The following WDR64 variants were observed in gnomAD, a reference collection of about 807,000 sequenced individuals.
WDR64 encodes WD repeat domain 64, also known as WD repeat-containing protein 64.
WDR64 carries 112 observed loss-of-function variants against 139.3 expected under a neutral mutation model. The ratio of observed to expected loss-of-function variants is 0.80; its 90% CI spans 0.69 to 0.94. The LOEUF (loss-of-function observed/expected upper bound fraction) is 0.94. Ranked by LOEUF, WDR64 falls within the 40% of genes least tolerant of loss-of-function variation. The pLI is 0.00. For missense variants in WDR64, 1,206 were observed against 1,293.1 expected, an observed-to-expected ratio of 0.93 and a Z score of 1.03; for synonymous variants, 444 against 437.7, an observed-to-expected ratio of 1.01 and a Z score of -0.18.
At chr1:241,717,773 T>G (rs1668461069) in intron 9 of WDR64, among the ~76,000 whole-genome samples, 1 of 152,150 alleles carries the variant, frequency 6.6e-6, no homozygotes, top group African/African-American at 2.4e-5. Flanking sequence ...ACCTTATTGC[T>G]ACTACTAGAT....
Position 241,703,918 on chromosome 1 carries a change from G to A in WDR64, c.975-7884G>A, listed in dbSNP as rs112554266. Among the ~76,000 whole-genome samples, 452 of 152,224 alleles carry A rather than the reference G, an allele frequency of 3.0e-3. No homozygotes were observed. Among genetic ancestry groups the A allele is most frequent in the African/African-American group, 9.7e-3 (404 of 41,534 alleles). On this transcript the variant is annotated intron_variant, in intron 8 of 27. Coordinates refer to ENST00000437684, the MANE Select transcript of WDR64 (RefSeq NM_001367482.1). The surrounding 1 kb of genome is among the most constrained non-coding windows in gnomAD (Gnocchi z 5.9). ...CTTATAAAATCATCAGATCTCATGA[G>A]AACTCACTCACTAACACAAGAACAA...
intron 25 of WDR64, among the ~76,000 whole-genome samples, chr1:241,793,820 C>T (rs909980943): frequency 1.3e-5 from 2 of 152,214 alleles, no homozygotes; most frequent in East Asian, 1.9e-4. Context: ...GCTCCACTTT[C>T]GCCAAAGGCT....
At chr1:241,771,935 T>C (rs1306547930) in intron 19 of WDR64, among the ~76,000 whole-genome samples, 574 of 22,346 alleles carry the variant, frequency 0.026, 9 homozygotes, top group African/African-American at 0.076. Context: ...TACATATACA[T>C]ACATACATAC....
intron 7 of WDR64, among the ~76,000 whole-genome samples, chr1:241,685,760 C>T (rs1381313941): frequency 6.6e-6 from 1 of 152,180 alleles, no homozygotes; most frequent in Non-Finnish European, 1.5e-5. Flanking sequence ...CCATCCTTCA[C>T]ATATAAGCAG....
intron 4 of WDR64, chr1:241,676,304 T>C (rs979101664): frequency 6.6e-6 from 1 of 152,226 alleles, no homozygotes; most frequent in African/African-American, 2.4e-5. Flanking sequence ...TAGACCTTCT[T>C]TCTTGCTGTT....
intron 10 of WDR64, among the ~76,000 whole-genome samples, chr1:241,731,247 G>A (rs1233277556): frequency 6.6e-6 from 1 of 152,068 alleles, no homozygotes; most frequent in Non-Finnish European, 1.5e-5. Context: ...AGTGGTGCAT[G>A]CCTGCAGTCC....
Position 241,769,521 on chromosome 1 carries a change from C to T in WDR64, c.2183+16C>T, listed in dbSNP as rs1658337953. 1.9e-6 allele frequency: 3 copies of T among 1,543,630 alleles called. No homozygotes were observed. The highest frequency in any genetic ancestry group is 3.9e-5 in the Admixed American group (2 of 50,964). ...AATGTGCAAGGTAACTCGTTACTTA[C>T]TGAACCAGTAATACTGTCTGGGACT... is the stretch of plus-strand genomic sequence containing the variant. On this transcript the variant is annotated intron_variant, in intron 17 of 27. Coordinates refer to ENST00000437684, the MANE Select transcript of WDR64 (RefSeq NM_001367482.1).
chr1:241,771,786 T>C, intron 19 of WDR64, 89 bp downstream of exon 19: 2 of 723,128 alleles, frequency 2.8e-6, no homozygotes, highest in East Asian at 7.4e-5. Context: ...AATGAATATA[T>C]ATATTCCTTA....
intron 7 of WDR64, 70 bp downstream of exon 7, chr1:241,683,771 CA>C (rs1350927661): frequency 1.7e-6 from 2 of 1,204,112 alleles, no homozygotes; most frequent in African/African-American, 3.1e-5. Context: ...CTTTATGGTA[CA>C]AAGTGAAAAA....
intron 9 of WDR64, among the ~76,000 whole-genome samples, chr1:241,717,206 T>C (rs1422681668): frequency 1.3e-5 from 2 of 152,238 alleles, no homozygotes; most frequent in Non-Finnish European, 2.9e-5. Flanking sequence ...GTGAGTTTCT[T>C]ACTACCTATG....
At chr1:241,669,510 A>C (rs1012033217) in intron 2 of WDR64, among the ~76,000 whole-genome samples, 6 of 152,208 alleles carry the variant, frequency 3.9e-5, no homozygotes, top group Non-Finnish European at 5.9e-5. Context: ...AAAAATGAGC[A>C]ATGATTTCTG....
intron 8 of WDR64, among the ~76,000 whole-genome samples, chr1:241,706,502 TTAAC>T (rs1272426497): frequency 6.6e-6 from 1 of 152,252 alleles, no homozygotes; most frequent in African/African-American, 2.4e-5. Context: ...CAGTTAGAAC[TTAAC>T]TACTTCTCAT....
At chr1:241,707,935 G>A (rs1432282323) in intron 8 of WDR64, among the ~76,000 whole-genome samples, 3 of 152,004 alleles carry the variant, frequency 2.0e-5, no homozygotes, top group South Asian at 2.1e-4. Flanking sequence ...CTGACCTCAC[G>A]TCCACAGTAT....
chr1:241,741,734 A>C, intron 12 of WDR64, 70 bp downstream of exon 12: 1 of 1,435,028 alleles, frequency 7.0e-7, no homozygotes, highest in Non-Finnish European at 9.2e-7. Context: ...CTTAAAATAA[A>C]TCATTGAGTG....
At chr1:241,655,842 C>T (rs778274580) in intron 1 of WDR64, among the ~76,000 whole-genome samples, 19 of 151,994 alleles carry the variant, frequency 1.3e-4, no homozygotes, top group Non-Finnish European at 1.8e-4. Flanking sequence ...ATTGCCATCT[C>T]GGGGAATTTA....
intron 14 of WDR64, among the ~76,000 whole-genome samples, chr1:241,750,314 C>T (rs1359419261): frequency 6.6e-6 from 1 of 152,134 alleles, no homozygotes; most frequent in Non-Finnish European, 1.5e-5. Flanking sequence ...GCGGATCTCA[C>T]CCCATCACCT....
Position 241,787,864 on chromosome 1 carries a change from C to T in WDR64, c.2721C>T (p.Leu907=). 19 of 1,592,722 alleles carry T rather than the reference C, an allele frequency of 1.2e-5. No individual in the cohort carries two copies. Among genetic ancestry groups the T allele is most frequent in the Non-Finnish European group, 1.6e-5 (19 of 1,173,702 alleles). Residue 907 remains leucine, a synonymous_variant, in exon 24 of 28, where the codon CTC becomes CTT. Coordinates refer to ENST00000437684, the MANE Select transcript of WDR64 (RefSeq NM_001367482.1). ...CTTCCCTCAGGCTCTGGCATGCCCT[C>T]AATGGACATTATTGTGGATATTTTG... ...IDGSVRLWHA[L]NGHYCGYFGQ...
chr1:241,773,356 C>G (rs1157756062), intron 20 of WDR64, among the ~76,000 whole-genome samples: 2 of 152,214 alleles, frequency 1.3e-5, no homozygotes, highest in Non-Finnish European at 2.9e-5. Context: ...TCAGTCTCAT[C>G]CCTTATGTCC....
intron 10 of WDR64, among the ~76,000 whole-genome samples, chr1:241,726,909 G>A (rs1668864690): frequency 6.7e-6 from 1 of 149,552 alleles, no homozygotes; most frequent in Non-Finnish European, 1.5e-5. Flanking sequence ...TTTTTGAGAC[G>A]AAGTTTCATT....
Sources: gnomAD v4.1 joint callset for allele counts (sites outside exome capture counted in the v4.1 genomes callset) on GRCh38, gnomAD v4.1.1 for gene constraint, Gnocchi (gnomAD v3.1) non-coding constraint, MANE v1.5 for transcripts, NCBI Gene and HGNC (gene_info 2026-07-23, HGNC 2026-07-21) for gene names.